ATRNL1: variants seen among roughly 807,000 people sequenced by gnomAD.
ATRNL1 encodes attractin-like protein 1.
In ATRNL1, 95 loss-of-function variants were observed where a neutral mutation model predicts 182.7. The observed-to-expected ratio is 0.52, with a 90% CI of 0.44 to 0.62. ATRNL1 has a LOEUF of 0.62. Among genes scored for constraint, ATRNL1 ranks in the 20% least tolerant of loss-of-function variants. ATRNL1 has a pLI of 0.00. For synonymous variants in ATRNL1, 576 were observed against 568.3 expected, an observed-to-expected ratio of 1.01 and a Z score of -0.19; for missense variants, 1,471 against 1,679.5, an observed-to-expected ratio of 0.88 and a Z score of 2.17.
At chr10:115,343,464 C>G (rs1353130371) in intron 19 of ATRNL1, among the ~76,000 whole-genome samples, 1 of 152,112 alleles carries the variant, frequency 6.6e-6, no homozygotes, top group Non-Finnish European at 1.5e-5. Flanking sequence ...CAGAATTTCT[C>G]CTTGATACCT....
chr10:115,556,692 C>T (rs561706876), intron 26 of ATRNL1, among the ~76,000 whole-genome samples: 32 of 152,156 alleles, frequency 2.1e-4, no homozygotes, highest in Non-Finnish European at 2.9e-4. Flanking sequence ...TTTTACCTAA[C>T]AGACTTCAAT....
intron 28 of ATRNL1, among the ~76,000 whole-genome samples, chr10:115,922,172 G>A (rs573893250): frequency 1.2e-4 from 19 of 152,236 alleles, no homozygotes; most frequent in South Asian, 8.3e-4. Context: ...GTCTAGATGC[G>A]TATGGACAGT....
intron 13 of ATRNL1, among the ~76,000 whole-genome samples, chr10:115,273,771 G>A (rs1851978477): frequency 6.6e-6 from 1 of 152,162 alleles, no homozygotes; most frequent in Non-Finnish European, 1.5e-5. Flanking sequence ...GGTCAGACTG[G>A]GAGAGAGAAG....
chr10:115,488,633 G>C (rs1849145342), intron 24 of ATRNL1, among the ~76,000 whole-genome samples: 1 of 151,396 alleles, frequency 6.6e-6, no homozygotes, highest in South Asian at 2.1e-4. Context: ...TAGTCTGGCT[G>C]GCTAGCGGTC....
chr10:115,402,308 T>C (rs1554957197), intron 20 of ATRNL1, among the ~76,000 whole-genome samples: 1 of 152,160 alleles, frequency 6.6e-6, no homozygotes, highest in Non-Finnish European at 1.5e-5. Context: ...TTTTGATCCC[T>C]TTTTTATTTT....
intron 21 of ATRNL1, among the ~76,000 whole-genome samples, chr10:115,446,858 T>A (rs1286960573): frequency 6.6e-6 from 1 of 151,720 alleles, no homozygotes; most frequent in African/African-American, 2.4e-5. Flanking sequence ...GATCTCCGAT[T>A]TTCTTGGATT....
At chr10:115,555,042 T>TA (rs1280323564) in intron 26 of ATRNL1, among the ~76,000 whole-genome samples, 2 of 151,792 alleles carry the variant, frequency 1.3e-5, no homozygotes, top group Non-Finnish European at 3.0e-5. Flanking sequence ...TATGTGTTTT[T>TA]ATGCTAAAAA....
At chr10:115,136,157 T>G (rs1376509050) in intron 5 of ATRNL1, among the ~76,000 whole-genome samples, 1 of 152,128 alleles carries the variant, frequency 6.6e-6, no homozygotes, top group African/African-American at 2.4e-5. Context: ...CACACAAGTT[T>G]GTTGTATAAT....
chr10:115,577,610 TTGTGTGTGTGTGTGTGTG>T (rs3981280), intron 26 of ATRNL1, among the ~76,000 whole-genome samples: 7 of 135,108 alleles, frequency 5.2e-5, no homozygotes, highest in African/African-American at 1.6e-4. Flanking sequence ...TTCTAACAGG[TTGTGTGTGTGTGTGTGTG>T]TGTGTGTGTG....
At chr10:115,461,849 A>G in intron 21 of ATRNL1, 92 bp from the exon 22 acceptor site, 1 of 541,704 alleles carries the variant, frequency 1.8e-6, no homozygotes, top group Non-Finnish European at 3.1e-6. Flanking sequence ...ATCATTTTTA[A>G]TATCAGTGTA....
At chr10:115,884,721 G>A (rs561323056) in intron 28 of ATRNL1, among the ~76,000 whole-genome samples, 12 of 152,244 alleles carry the variant, frequency 7.9e-5, no homozygotes, top group South Asian at 2.1e-4. Flanking sequence ...CAGGCATTTC[G>A]TACTTAGCTA....
chr10:115,730,594 A>C (rs1679690230), intron 27 of ATRNL1, among the ~76,000 whole-genome samples: 2 of 152,114 alleles, frequency 1.3e-5, no homozygotes, highest in Non-Finnish European at 1.5e-5. Context: ...CTTCCCAAGT[A>C]ATAAAAGATA....
intron 24 of ATRNL1, among the ~76,000 whole-genome samples, chr10:115,496,481 T>C (rs1488684782): frequency 3.3e-5 from 5 of 152,176 alleles, no homozygotes; most frequent in Non-Finnish European, 5.9e-5. Context: ...TTTCTCTATA[T>C]ATTCAGATGA....
chr10:115,800,456 G>A lies in ATRNL1; in HGVS notation c.3904-47421G>A, dbSNP rs565225397. 1.6e-4 allele frequency among the ~76,000 whole-genome samples: 25 copies of A among 152,196 alleles called. No homozygotes were observed. In the South Asian group the frequency reaches 4.6e-3, roughly 28 times the overall value. ...GGAAAGAAACAGAAAGAGAAGGGGA[G>A]AAAGATATGTTTGACAGAAAAGTAA... On this transcript the variant is annotated intron_variant, in intron 27 of 28. Transcript: ENST00000355044.
intron 28 of ATRNL1, among the ~76,000 whole-genome samples, chr10:115,858,454 C>T (rs1406343256): frequency 6.6e-6 from 1 of 152,156 alleles, no homozygotes; most frequent in Non-Finnish European, 1.5e-5. Context: ...AAGCCAAATA[C>T]TGCATGTTCT....
intron 24 of ATRNL1, among the ~76,000 whole-genome samples, chr10:115,480,520 G>A (rs1592717178): frequency 6.6e-6 from 1 of 150,816 alleles, no homozygotes; most frequent in East Asian, 1.9e-4. Flanking sequence ...AAATTCAAAA[G>A]GTAGTATTAG....
chr10:115,330,672 C>CTTTT (rs200104323), intron 18 of ATRNL1, among the ~76,000 whole-genome samples: 4 of 101,406 alleles, frequency 3.9e-5, no homozygotes, highest in African/African-American at 7.3e-5. Flanking sequence ...GTGTTATTTG[C>CTTTT]TTTTTTTTTT....
At chr10:115,325,919 A>G (rs1471267827) in intron 18 of ATRNL1, among the ~76,000 whole-genome samples, 2 of 152,096 alleles carry the variant, frequency 1.3e-5, no homozygotes, top group South Asian at 2.1e-4. Context: ...TGATTCTTCC[A>G]AATGGCCAGA....
At chr10:115,836,967 A>G (rs995011026) in intron 27 of ATRNL1, among the ~76,000 whole-genome samples, 23 of 152,122 alleles carry the variant, frequency 1.5e-4, no homozygotes, top group Non-Finnish European at 2.9e-4. Flanking sequence ...AATCAATTAG[A>G]TAATTAGTAG....
Sources: allele counts gnomAD v4.1 joint callset (sites outside exome capture counted in the v4.1 genomes callset), GRCh38; gene constraint gnomAD v4.1.1; transcripts MANE v1.5; gene names NCBI Gene and HGNC (gene_info 2026-07-23, HGNC 2026-07-21).